PKD1L3: variants seen among roughly 807,000 people sequenced by gnomAD.
PKD1L3 encodes the protein polycystin 1 like 3, transient receptor potential channel interacting.
In PKD1L3, 239 loss-of-function variants were observed where a neutral mutation model predicts 184.1. That is an observed-to-expected ratio of 1.30 (90% CI 1.17 to 1.45). The LOEUF (loss-of-function observed/expected upper bound fraction) is 1.45, where lower values mean the gene tolerates loss of function less well. Ranked by LOEUF, PKD1L3 falls within the 40% of genes most tolerant of loss-of-function variation. The pLI is 0.00. For missense variants in PKD1L3, 2,660 were observed against 2,067.2 expected, an observed-to-expected ratio of 1.29 and a Z score of -5.56; for synonymous variants, 996 against 778.8, an observed-to-expected ratio of 1.28 and a Z score of -4.64.
chr16:71,970,337 A>G (rs1416360571), intron 12 of PKD1L3, among the ~76,000 whole-genome samples: 1 of 152,314 alleles, frequency 6.6e-6, no homozygotes, highest in African/African-American at 2.4e-5. Context: ...GAGTGTATAC[A>G]TGTTCTAGGG....
At chr16:71,979,748 C>A in intron 9 of PKD1L3, 38 bp downstream of exon 9, 1 of 1,466,054 alleles carries the variant, frequency 6.8e-7, no homozygotes, top group South Asian at 1.5e-5. Flanking sequence ...GCCATCAGAT[C>A]CCATTTTCAT....
chr16:71,959,781 G>C (rs1313882503), intron 16 of PKD1L3, among the ~76,000 whole-genome samples: 2 of 151,916 alleles, frequency 1.3e-5, no homozygotes, highest in Non-Finnish European at 1.5e-5. Flanking sequence ...AGGAGAAAGA[G>C]GAAAAAATAC....
chr16:71,963,297 G>T lies in PKD1L3; in HGVS notation c.2520C>A (p.Phe840Leu). ...CDMAVKRKWH[F>L]LCNCWLAVDL... Reference sequence around the variant, plus strand: ...CCACAGCCAGCCAGCAATTGCACAGGAAATGCCACTTCCTCTTAACTGCCA... The same window carrying T: ...CCACAGCCAGCCAGCAATTGCACAGTAAATGCCACTTCCTCTTAACTGCCA... The change falls in exon 16 of 30, where the codon TTC becomes TTA. Residue 840 changes from phenylalanine (F) to leucine (L), a missense_variant. Phe to Leu is a conservative substitution (Grantham distance 22). Transcript: ENST00000620267. The T allele has an allele frequency of 6.4e-7, 1 of 1,551,408 alleles. No homozygotes were observed. The highest frequency in any genetic ancestry group is 8.7e-7 in the Non-Finnish European group (1 of 1,146,820).
chr16:71,959,427 A>T (rs1435894821), intron 16 of PKD1L3, among the ~76,000 whole-genome samples: 1 of 152,140 alleles, frequency 6.6e-6, no homozygotes, highest in Non-Finnish European at 1.5e-5. Flanking sequence ...CAACCAACTA[A>T]ACAAACAAAC....
chr16:71,969,814 T>TCGGTGG, intron 13 of PKD1L3, 61 bp downstream of exon 13: 1 of 1,429,712 alleles, frequency 7.0e-7, no homozygotes, highest in South Asian at 1.4e-5. Context: ...TGTTTTTTCC[T>TCGGTGG]TCATCTTATT....
At position 71,947,511 on chromosome 16, in the gene PKD1L3, C is replaced by G. The variant is rs944089410; in HGVS notation, c.3699G>C (p.Lys1233Asn). Residue 1233 changes from lysine (K) to asparagine (N), a missense_variant, in exon 22 of 30, where the codon AAG becomes AAC. By Grantham distance (94) the Lys-to-Asn change is moderately conservative. Coordinates refer to ENST00000620267, the MANE Select transcript of PKD1L3 (RefSeq NM_181536.2). ...RLNKENEQQT[K>N]RILALLAKCS... Reference sequence around the variant, plus strand: ...AGTTACCCAAGAGTGCCAAGATCCTCTTTGTTTGTTGTTCATTCTCTTTGT... The same window carrying G: ...AGTTACCCAAGAGTGCCAAGATCCTGTTTGTTTGTTGTTCATTCTCTTTGT... 7 of 1,541,934 alleles carry G rather than the reference C, an allele frequency of 4.5e-6. No homozygotes were observed. Among genetic ancestry groups the G allele is most frequent in the Non-Finnish European group, 6.1e-6 (7 of 1,138,788 alleles).
chr16:71,973,531 A>T lies in PKD1L3; in HGVS notation c.1760-14T>A, dbSNP rs1054124619. On this transcript the variant is annotated splice_polypyrimidine_tract_variant and intron_variant, in intron 11 of 29. Coordinates refer to ENST00000620267, the MANE Select transcript of PKD1L3 (RefSeq NM_181536.2). ...TGTACTCCTCATCTTAGAACAAAGA[A>T]GAGTGCTTACTTGTATATCAAATGG... 2 of 1,548,460 alleles carry T rather than the reference A, an allele frequency of 1.3e-6. No individual in the cohort carries two copies. Among genetic ancestry groups the T allele is most frequent in the Admixed American group, 2.0e-5 (1 of 50,892 alleles).
chr16:71,980,011 T>C lies in PKD1L3; in HGVS notation c.1267A>G (p.Ser423Gly). The C allele has an allele frequency of 1.3e-6, 2 of 1,552,108 alleles. No individual in the cohort carries two copies. The highest frequency in any genetic ancestry group is 1.7e-6 in the Non-Finnish European group (2 of 1,147,088). ...CCGTTCCTTCTTCCCATTAACCTGC[T>C]CAGCAGCAGAGTAGCATTGGCAGAG... is the stretch of plus-strand genomic sequence containing the variant. Reference protein sequence around the residue: ...LTSANATLLLSRQNISTLPLS... With the variant: ...LTSANATLLLGRQNISTLPLS... The change falls in exon 8 of 30, where the codon AGC (serine) becomes GGC (glycine). Residue 423 changes from serine to glycine, a missense_variant. Transcript: ENST00000620267.
intron 7 of PKD1L3, 107 bp from the exon 8 acceptor site, chr16:71,980,241 TGAAGG>T: frequency 7.3e-7 from 1 of 1,365,160 alleles, no homozygotes; most frequent in African/African-American, 1.5e-5. Flanking sequence ...AGTGTTGTAA[TGAAGG>T]GTAGTATTCC....
At chr16:71,970,798 ACT>A (rs1230306606) in intron 12 of PKD1L3, among the ~76,000 whole-genome samples, 56 of 152,290 alleles carry the variant, frequency 3.7e-4, no homozygotes, top group African/African-American at 1.3e-3. Flanking sequence ...ACAGAGCAAG[ACT>A]CTGTCTCCAA....
At chr16:71,954,408 TC>T in intron 16 of PKD1L3, 107 bp from the exon 17 acceptor site, 1 of 738,346 alleles carries the variant, frequency 1.4e-6, no homozygotes. Context: ...CTCCCAAGCC[TC>T]TATTCAACAC....
chr16:71,929,593 T>C lies in PKD1L3; in HGVS notation c.5144A>G (p.Gln1715Arg). The C allele has an allele frequency of 1.3e-6, 2 of 1,551,858 alleles. No individual in the cohort carries two copies. Residue 1715 changes from glutamine to arginine, a missense_variant, in exon 30 of 30, where the codon CAA (glutamine) becomes CGA (arginine). By Grantham distance (43) the Gln-to-Arg change is conservative (BLOSUM62 1). Coordinates refer to ENST00000620267, the MANE Select transcript of PKD1L3 (RefSeq NM_181536.2). ...ACTGCCCACTGCTGTCGTGGCTGCT[T>C]GCTCAGATGAGGTTTTTTGGGGCCA... is the stretch of plus-strand genomic sequence containing the variant. ...ISWPQKTSSE[Q>R]AATTAVGSDT...
At chr16:71,989,866 G>A (rs914687418) in intron 4 of PKD1L3, among the ~76,000 whole-genome samples, 1 of 152,154 alleles carries the variant, frequency 6.6e-6, no homozygotes. Flanking sequence ...CTTGAGGTCA[G>A]GAGTTTGAGA....
At position 71,934,633 on chromosome 16, in the gene PKD1L3, G is replaced by C. The variant is rs1055448589; in HGVS notation, c.4614-508C>G. ...GGCGAGGGGTGTTGCTTAGCAATTA[G>C]GTTTTGTTTTGAGAGAGAGACATTC... On this transcript the variant is annotated intron_variant, in intron 26 of 29. Coordinates refer to ENST00000620267, the MANE Select transcript of PKD1L3 (RefSeq NM_181536.2). Among the ~76,000 whole-genome samples, 22 of 152,300 alleles carry C rather than the reference G, an allele frequency of 1.4e-4. No homozygotes were observed. In the South Asian group the frequency reaches 1.7e-3, roughly 11 times the overall value.
At chr16:71,983,073 G>C (rs1479142264) in intron 6 of PKD1L3, among the ~76,000 whole-genome samples, 2 of 152,158 alleles carry the variant, frequency 1.3e-5, no homozygotes, top group Non-Finnish European at 2.9e-5. Context: ...TTCTTTTTGA[G>C]TGGTGAGTAG....
At chr16:71,934,193 C>G in intron 26 of PKD1L3, 68 bp from the exon 27 acceptor site, 2 of 1,438,778 alleles carry the variant, frequency 1.4e-6, no homozygotes, top group East Asian at 5.0e-5. Flanking sequence ...TCCCCAGCGC[C>G]CCTGCTGCTG....
At chr16:71,953,565 G>A (rs1485155267) in intron 17 of PKD1L3, among the ~76,000 whole-genome samples, 1 of 152,200 alleles carries the variant, frequency 6.6e-6, no homozygotes, top group Admixed American at 6.5e-5. Flanking sequence ...ATCTTACATG[G>A]TGGCAGAAGA....
chr16:71,963,440 G>T, intron 15 of PKD1L3, 89 bp from the exon 16 acceptor site: 1 of 1,310,410 alleles, frequency 7.6e-7, no homozygotes. Flanking sequence ...TTAGTAAACT[G>T]TCCAAGTAAA....
chr16:71,939,002 T>G (rs988356886), intron 24 of PKD1L3, among the ~76,000 whole-genome samples: 1 of 152,198 alleles, frequency 6.6e-6, no homozygotes, highest in Non-Finnish European at 1.5e-5. Flanking sequence ...CTGTGGCCCT[T>G]TGGGGGAGCC....
Sources: gnomAD v4.1 joint callset for allele counts (sites outside exome capture counted in the v4.1 genomes callset) on GRCh38, gnomAD v4.1.1 for gene constraint, MANE v1.5 for transcripts, NCBI Gene and HGNC (gene_info 2026-07-23, HGNC 2026-07-21) for gene names.